Variants in SH3GL2 observed in about 807,000 individuals in gnomAD.
SH3GL2 encodes endophilin-A1.
Under a neutral mutation model 46.0 loss-of-function variants are expected in SH3GL2, and 24 were observed. The ratio of observed to expected loss-of-function variants is 0.52; its 90% CI spans 0.38 to 0.73. SH3GL2 has a LOEUF of 0.73. Ranked by LOEUF, SH3GL2 falls within the 30% of genes least tolerant of loss-of-function variation. SH3GL2 has a pLI of 0.00. For missense variants in SH3GL2, 413 were observed against 424.2 expected (o/e 0.97, Z 0.23); for synonymous variants, 196 against 147.1 (o/e 1.33, Z -2.40).
intron 3 of SH3GL2, among the ~76,000 whole-genome samples, chr9:17,780,667 TC>T (rs1823781992): frequency 9.4e-6 from 1 of 106,538 alleles, no homozygotes; most frequent in Non-Finnish European, 1.9e-5. Context: ...AGTGTGATAT[TC>T]CCCTTCCTGT....
chr9:17,746,354 G>C (rs1012217930), intron 1 of SH3GL2, among the ~76,000 whole-genome samples: 8 of 152,186 alleles, frequency 5.3e-5, no homozygotes, highest in African/African-American at 1.9e-4. Flanking sequence ...GGGATTACAG[G>C]TGTGAGTCAC....
At chr9:17,720,972 G>A (rs960531937) in intron 1 of SH3GL2, among the ~76,000 whole-genome samples, 8 of 152,062 alleles carry the variant, frequency 5.3e-5, no homozygotes, top group African/African-American at 1.9e-4. Flanking sequence ...AGCAGGGTAC[G>A]ACTTGTGGCA....
chr9:17,730,845 T>A (rs1052601332), intron 1 of SH3GL2, among the ~76,000 whole-genome samples: 3 of 152,212 alleles, frequency 2.0e-5, no homozygotes, highest in Non-Finnish European at 4.4e-5. Context: ...CACTTAGACT[T>A]CAGAAAATTA....
chr9:17,768,599 T>A (rs1183663203), intron 3 of SH3GL2, among the ~76,000 whole-genome samples: 1 of 152,088 alleles, frequency 6.6e-6, no homozygotes, highest in Non-Finnish European at 1.5e-5. Flanking sequence ...TCCCTCTTGT[T>A]CACTCTGTGG....
intron 1 of SH3GL2, among the ~76,000 whole-genome samples, chr9:17,624,458 C>G (rs1395171191): frequency 1.3e-5 from 2 of 152,214 alleles, no homozygotes; most frequent in Non-Finnish European, 2.9e-5. Context: ...TTTTCCATCT[C>G]CATGCTCTTT....
chr9:17,606,239 C>T (rs967127911), intron 1 of SH3GL2, among the ~76,000 whole-genome samples: 1 of 152,048 alleles, frequency 6.6e-6, no homozygotes, highest in Non-Finnish European at 1.5e-5. Context: ...ATTACAGGCA[C>T]CCACCACCAC....
chr9:17,768,529 A>G (rs1823384284), intron 3 of SH3GL2, among the ~76,000 whole-genome samples: 1 of 152,094 alleles, frequency 6.6e-6, no homozygotes, highest in African/African-American at 2.4e-5. Context: ...AATCCTCAGC[A>G]TGGCCTTTAA....
intron 1 of SH3GL2, among the ~76,000 whole-genome samples, chr9:17,687,225 C>A (rs1820941868): frequency 6.6e-6 from 1 of 151,928 alleles, no homozygotes; most frequent in African/African-American, 2.4e-5. Context: ...GAGTTTTTTT[C>A]AATCCAATTT....
At chr9:17,607,808 G>A (rs180777268) in intron 1 of SH3GL2, among the ~76,000 whole-genome samples, 1 of 152,052 alleles carries the variant, frequency 6.6e-6, no homozygotes, top group Admixed American at 6.6e-5. Context: ...TAGCAGAATT[G>A]CCTAGATTGA....
At chr9:17,775,920 C>T (rs1326103521) in intron 3 of SH3GL2, among the ~76,000 whole-genome samples, 1 of 152,072 alleles carries the variant, frequency 6.6e-6, no homozygotes, top group Non-Finnish European at 1.5e-5. Context: ...TAGACAGATG[C>T]CCTGTCATTA....
chr9:17,697,818 C>T (rs139951496), intron 1 of SH3GL2, among the ~76,000 whole-genome samples: 79 of 152,304 alleles, frequency 5.2e-4, no homozygotes, highest in Admixed American at 2.0e-3. Context: ...TCAGTTCTCC[C>T]TGATGACTTG....
intron 1 of SH3GL2, among the ~76,000 whole-genome samples, chr9:17,603,156 A>G (rs182943216): frequency 6.6e-6 from 1 of 152,304 alleles, no homozygotes; most frequent in East Asian, 1.9e-4. Flanking sequence ...ATATCCTGAT[A>G]TGTTAAAATA....
In SH3GL2 at chr9:17,671,623, C is replaced by T. The variant is rs186956679; in HGVS notation, c.46-75443C>T. Among the ~76,000 whole-genome samples the T allele has an allele frequency of 2.6e-5, 4 of 152,080 alleles. No individual in the cohort carries two copies. In the East Asian group the frequency reaches 7.7e-4, roughly 29 times the overall value. ...CATACATATACCCATCTATTATGTA[C>T]CTACAAAACTAAAAAAAATTATAAA... On this transcript the variant is annotated intron_variant, in intron 1 of 8. Coordinates refer to ENST00000380607, the MANE Select transcript of SH3GL2 (RefSeq NM_003026.5).
intron 1 of SH3GL2, among the ~76,000 whole-genome samples, chr9:17,612,130 G>T (rs1315074450): frequency 6.6e-6 from 1 of 152,160 alleles, no homozygotes; most frequent in African/African-American, 2.4e-5. Context: ...ATGGGGGAAA[G>T]TCCGGCTCTT....
chr9:17,703,139 G>A (rs549210250), intron 1 of SH3GL2, among the ~76,000 whole-genome samples: 4 of 152,162 alleles, frequency 2.6e-5, no homozygotes, highest in South Asian at 2.1e-4. Context: ...GGAGGTAGTA[G>A]TAGCCTGGGT....
chr9:17,627,242 C>G (rs745457742), intron 1 of SH3GL2, among the ~76,000 whole-genome samples: 4 of 152,150 alleles, frequency 2.6e-5, no homozygotes, highest in Non-Finnish European at 5.9e-5. Context: ...CTGTTTTCAT[C>G]CTGCAGCGCC....
chr9:17,626,920 C>G (rs1159343869), intron 1 of SH3GL2, among the ~76,000 whole-genome samples: 1 of 152,134 alleles, frequency 6.6e-6, no homozygotes, highest in Non-Finnish European at 1.5e-5. Flanking sequence ...TGGGGGCTGG[C>G]TCAGCTTCCC....
intron 1 of SH3GL2, among the ~76,000 whole-genome samples, chr9:17,623,369 A>G (rs1313690914): frequency 1.3e-5 from 2 of 152,204 alleles, no homozygotes; most frequent in South Asian, 2.1e-4. Flanking sequence ...GGTGTTGTAT[A>G]CGTATGTAGT....
intron 1 of SH3GL2, among the ~76,000 whole-genome samples, chr9:17,713,355 T>G (rs2118288860): frequency 6.6e-6 from 1 of 151,736 alleles, no homozygotes; most frequent in East Asian, 1.9e-4. Context: ...AACATGCTTT[T>G]GGCATCATTG....
Sources: gnomAD v4.1 joint callset for allele counts (sites outside exome capture counted in the v4.1 genomes callset) on GRCh38, gnomAD v4.1.1 for gene constraint, MANE v1.5 for transcripts, NCBI Gene and HGNC (gene_info 2026-07-23, HGNC 2026-07-21) for gene names.